The following JARID2 variants were observed in gnomAD, a reference collection of about 807,000 sequenced individuals.
JARID2 encodes protein Jumonji.
A neutral mutation model predicts 125.6 loss-of-function variants in JARID2; 21 were observed. That is an observed-to-expected ratio of 0.17 (90% CI 0.12 to 0.24). The LOEUF (loss-of-function observed/expected upper bound fraction) is 0.24. Among genes scored for constraint, JARID2 ranks in the 10% least tolerant of loss-of-function variants. The pLI, the probability that JARID2 is intolerant of heterozygous loss-of-function variation, is 1.00. For synonymous variants in JARID2, 736 were observed against 661.6 expected (o/e 1.11, Z -1.73); for missense variants, 1,303 against 1,639.6 (o/e 0.79, Z 3.55).
chr6:15,463,015 A>G (rs568695352), intron 4 of JARID2, among the ~76,000 whole-genome samples: 1 of 152,374 alleles, frequency 6.6e-6, no homozygotes, highest in South Asian at 2.1e-4. Context: ...GTAATGAAAT[A>G]CGGCTTTGGC....
At chr6:15,328,894 C>G (rs1762616967) in intron 1 of JARID2, among the ~76,000 whole-genome samples, 1 of 152,242 alleles carries the variant, frequency 6.6e-6, no homozygotes, top group African/African-American at 2.4e-5. Flanking sequence ...TGAGGCCCCA[C>G]CTGTGTGGGG....
chr6:15,438,057 T>C (rs1159730440), intron 3 of JARID2, among the ~76,000 whole-genome samples: 2 of 152,160 alleles, frequency 1.3e-5, no homozygotes, highest in African/African-American at 4.8e-5. Flanking sequence ...GAAGTTACTA[T>C]GGCTGCTTTT....
intron 12 of JARID2, 43 bp from the exon 13 acceptor site, chr6:15,511,253 T>C (rs1307200976): frequency 7.1e-7 from 1 of 1,401,780 alleles, no homozygotes; most frequent in South Asian, 1.2e-5. Flanking sequence ...CAGGAGGCCC[T>C]TGTCAAGTCT....
intron 6 of JARID2, among the ~76,000 whole-genome samples, chr6:15,489,846 T>C (rs1770062724): frequency 1.3e-5 from 2 of 152,194 alleles, no homozygotes; most frequent in African/African-American, 4.8e-5. Flanking sequence ...GGGGATCCTC[T>C]CCTGTCACCC....
chr6:15,278,511 G>A (rs565556665), intron 1 of JARID2, among the ~76,000 whole-genome samples: 4 of 151,314 alleles, frequency 2.6e-5, no homozygotes, highest in Admixed American at 2.0e-4. Context: ...GCGTGAACCC[G>A]GGAGGCGGAG....
intron 1 of JARID2, among the ~76,000 whole-genome samples, chr6:15,316,987 C>T (rs999286408): frequency 6.6e-6 from 1 of 152,148 alleles, no homozygotes; most frequent in African/African-American, 2.4e-5. Flanking sequence ...TATAGAGTTG[C>T]TGTGGGGTTT....
chr6:15,506,166 A>G (rs1473580476), intron 9 of JARID2, among the ~76,000 whole-genome samples: 2 of 152,206 alleles, frequency 1.3e-5, no homozygotes, highest in Non-Finnish European at 2.9e-5. Flanking sequence ...CTGTATTCCA[A>G]AAAAGGCTGG....
At chr6:15,358,655 T>G (rs1763688285) in intron 1 of JARID2, among the ~76,000 whole-genome samples, 1 of 152,246 alleles carries the variant, frequency 6.6e-6, no homozygotes, top group African/African-American at 2.4e-5. Flanking sequence ...GAATTCTCAT[T>G]TTCAGAGAAT....
intron 5 of JARID2, among the ~76,000 whole-genome samples, chr6:15,469,355 CTCT>C (rs1581608341): frequency 1.6e-4 from 3 of 19,248 alleles, no homozygotes; most frequent in Non-Finnish European, 2.2e-4. Context: ...CTCTCTCTCT[CTCT>C]CTCCTCCCCT....
At chr6:15,319,548 C>T (rs920411916) in intron 1 of JARID2, among the ~76,000 whole-genome samples, 3 of 152,116 alleles carry the variant, frequency 2.0e-5, no homozygotes, top group Non-Finnish European at 2.9e-5. Context: ...CAAGTGTGCG[C>T]AACTGTGCCC....
intron 1 of JARID2, among the ~76,000 whole-genome samples, chr6:15,304,185 C>T (rs1235783779): frequency 6.6e-6 from 1 of 151,930 alleles, no homozygotes; most frequent in Non-Finnish European, 1.5e-5. Flanking sequence ...GGGCGCAGGG[C>T]TCAGGAGCCT....
chr6:15,520,537 CTTT>C lies in JARID2; in HGVS notation c.*293_*295del. The C allele has an allele frequency of 2.9e-6, 1 of 347,572 alleles. No homozygotes were observed. Among genetic ancestry groups the C allele is most frequent in the Non-Finnish European group, 5.3e-6 (1 of 187,420 alleles). The allele number at this position is 347,572 out of a possible 1,614,324, so 21.5% of individuals were successfully genotyped here. On this transcript the variant is annotated 3_prime_UTR_variant, in exon 18 of 18. Coordinates refer to ENST00000341776, the MANE Select transcript of JARID2 (RefSeq NM_004973.4). ...GTATTGCCCCATGGCTGACAAAAGC[CTTT>C]TTTTTTGGTTTTGATTTTTTTTTTT...
At chr6:15,506,732 G>A (rs895216781) in intron 9 of JARID2, among the ~76,000 whole-genome samples, 1 of 152,166 alleles carries the variant, frequency 6.6e-6, no homozygotes, top group African/African-American at 2.4e-5. Flanking sequence ...TATAATTGGC[G>A]GTTACCGTGC....
chr6:15,507,275 C>G (rs1771049696), intron 10 of JARID2, 21 bp downstream of exon 10: 1 of 1,605,736 alleles, frequency 6.2e-7, no homozygotes, highest in Non-Finnish European at 8.5e-7. Flanking sequence ...ATTCTCTCGT[C>G]CAGGTTCTTG....
chr6:15,491,312 T>C (rs1459572545), intron 6 of JARID2, among the ~76,000 whole-genome samples: 1 of 152,220 alleles, frequency 6.6e-6, no homozygotes, highest in African/African-American at 2.4e-5. Context: ...GGCATCTCTT[T>C]TAGAGCACAT....
intron 4 of JARID2, among the ~76,000 whole-genome samples, chr6:15,465,810 GTTTGTTTT>G (rs925286092): frequency 3.4e-5 from 5 of 147,578 alleles, no homozygotes; most frequent in African/African-American, 1.0e-4. Flanking sequence ...TTGTTTGTTT[GTTTGTTTT>G]TTTGAGACGG....
Position 15,258,036 on chromosome 6 carries a change from A to G in JARID2, c.45+11452A>G, listed in dbSNP as rs560923916. Among the ~76,000 whole-genome samples the G allele has an allele frequency of 3.8e-4, 58 of 152,288 alleles. No individual in the cohort carries two copies. In the South Asian group the frequency reaches 0.012, roughly 30 times the overall value. ...GTATGAAATGCTTTTTGTTGTGAGG[A>G]CATAGAGATACTTAAGTAATAAAGA... On this transcript the variant is annotated intron_variant, in intron 1 of 17. Coordinates refer to ENST00000341776, the MANE Select transcript of JARID2 (RefSeq NM_004973.4).
intron 4 of JARID2, among the ~76,000 whole-genome samples, chr6:15,466,071 TG>T (rs1768717776): frequency 6.6e-6 from 1 of 152,232 alleles, no homozygotes; most frequent in Non-Finnish European, 1.5e-5. Context: ...CCCAAAGTGC[TG>T]GGATTACAGG....
chr6:15,462,747 C>T (rs1017101250), intron 4 of JARID2, among the ~76,000 whole-genome samples: 1 of 152,122 alleles, frequency 6.6e-6, no homozygotes, highest in Non-Finnish European at 1.5e-5. Flanking sequence ...TACAGCCAAG[C>T]GATGTTTCGC....
Sources: gnomAD v4.1 joint callset for allele counts (sites outside exome capture counted in the v4.1 genomes callset) on GRCh38, gnomAD v4.1.1 for gene constraint, MANE v1.5 for transcripts, NCBI Gene and HGNC (gene_info 2026-07-23, HGNC 2026-07-21) for gene names.